TMEM132D: variants seen among roughly 807,000 people sequenced by gnomAD.
The protein encoded by TMEM132D is mature OL transmembrane protein.
TMEM132D carries 21 observed loss-of-function variants against 62.3 expected under a neutral mutation model. The observed-to-expected ratio is 0.34, with a 90% confidence interval of 0.24 to 0.49. TMEM132D has a LOEUF of 0.49. TMEM132D is among the 20% of genes least tolerant of loss of function. TMEM132D has a pLI of 0.99. For synonymous variants in TMEM132D, 621 were observed against 575.6 expected (o/e 1.08, Z -1.13); for missense variants, 1,346 against 1,402.8 (o/e 0.96, Z 0.65).
chr12:129,297,523 C>T (rs562830435), intron 4 of TMEM132D, among the ~76,000 whole-genome samples: 73 of 152,320 alleles, frequency 4.8e-4, no homozygotes, highest in South Asian at 1.7e-3. Flanking sequence ...AGCAGGTCAA[C>T]GCCTCTGCCG....
chr12:129,513,778 C>T (rs1875570383), intron 3 of TMEM132D, among the ~76,000 whole-genome samples: 1 of 150,910 alleles, frequency 6.6e-6, no homozygotes, highest in Non-Finnish European at 1.5e-5. Flanking sequence ...AGCCACCGCG[C>T]CCGGCCAATG....
intron 4 of TMEM132D, among the ~76,000 whole-genome samples, chr12:129,304,492 C>T (rs770030265): frequency 5.8e-4 from 88 of 152,062 alleles, no homozygotes; most frequent in Middle Eastern, 6.8e-3. Context: ...TCCTACAATA[C>T]CATGCAAAGT....
rs371545999 is a variant in TMEM132D at position 129,858,860 on chromosome 12, A to G, written c.79+44401T>C. Among the ~76,000 whole-genome samples the G allele has an allele frequency of 9.8e-3, 933 of 94,736 alleles. 32 individuals are homozygous for G. Among genetic ancestry groups the G allele is most frequent in the Middle Eastern group, 0.016 (2 of 124 alleles). The allele number at this position is 94,736 out of a possible 152,430, so 62.2% of individuals were successfully genotyped here. The stretch of plus-strand genomic sequence containing the variant: ...GGAGCGGGATGGGTGCCCTTGTAAC[A>G]GAGTCCGGGGGAACGGGATGGGTGC... On this transcript the variant is annotated intron_variant, in intron 1 of 8. Coordinates refer to ENST00000422113, the MANE Select transcript of TMEM132D (RefSeq NM_133448.3).
chr12:129,233,674 T>C (rs1879706747), intron 4 of TMEM132D, among the ~76,000 whole-genome samples: 2 of 152,186 alleles, frequency 1.3e-5, no homozygotes, highest in Admixed American at 1.3e-4. Context: ...TTGCCCAGGC[T>C]GGAGTGTCAT....
At chr12:129,156,275 G>A (rs1877242076) in intron 5 of TMEM132D, among the ~76,000 whole-genome samples, 1 of 149,296 alleles carries the variant, frequency 6.7e-6, no homozygotes, top group South Asian at 2.1e-4. Context: ...ACCCTCTCCT[G>A]AAGTAACTAA....
intron 4 of TMEM132D, among the ~76,000 whole-genome samples, chr12:129,305,163 A>C (rs1375139145): frequency 6.6e-6 from 1 of 152,250 alleles, no homozygotes; most frequent in Non-Finnish European, 1.5e-5. Flanking sequence ...AATAACAAGC[A>C]CAATGCCAGT....
chr12:129,396,337 A>G (rs894205137), intron 3 of TMEM132D, among the ~76,000 whole-genome samples: 1 of 152,156 alleles, frequency 6.6e-6, no homozygotes, highest in Admixed American at 6.5e-5. Flanking sequence ...CTCTTTTACT[A>G]CTAAAGCCCC....
At chr12:129,518,159 T>A (rs1011885174) in intron 3 of TMEM132D, among the ~76,000 whole-genome samples, 3 of 149,018 alleles carry the variant, frequency 2.0e-5, no homozygotes, top group African/African-American at 7.3e-5. Flanking sequence ...AACCTCAATT[T>A]CATAGTTGAA....
At chr12:129,710,968 G>T (rs1003059131) in intron 1 of TMEM132D, among the ~76,000 whole-genome samples, 2 of 151,788 alleles carry the variant, frequency 1.3e-5, no homozygotes, top group Non-Finnish European at 2.9e-5. Context: ...CGGTGTGCAC[G>T]CTGCCTCTCC....
rs71082722 is a variant in TMEM132D, at chr12:129,463,470, G to GTATTAT, written c.1115+67583_1115+67588dup. 9.3e-3 allele frequency among the ~76,000 whole-genome samples: 1,091 copies of GTATTAT among 117,612 alleles called. 31 individuals are homozygous for GTATTAT. In the East Asian group the frequency reaches 0.14, roughly 15 times the overall value. 77.2% of individuals were successfully genotyped at this position (117,612 alleles called of 152,430 possible). ...TTTATTTATTTATTTATTTATTTAT[G>GTATTAT]TATTATTATTATTATTATTATACTT... On this transcript the variant is annotated intron_variant, in intron 3 of 8. Transcript: ENST00000422113.
chr12:129,804,945 C>T (rs896480410), intron 1 of TMEM132D, among the ~76,000 whole-genome samples: 6 of 116,852 alleles, frequency 5.1e-5, no homozygotes, highest in Non-Finnish European at 8.9e-5. Flanking sequence ...TTCACAATTG[C>T]TTCAAAGAGA....
In TMEM132D at chr12:129,576,619, C is replaced by CACAT. The variant is rs913186167; in HGVS notation, c.969-45415_969-45414insATGT. 6.0e-5 allele frequency among the ~76,000 whole-genome samples: 9 copies of CACAT among 150,996 alleles called. No individual in the cohort carries two copies. In the East Asian group the frequency reaches 1.2e-3, roughly 20 times the overall value. ...TACATATTATACACACACACACACA[C>CACAT]ATATATATGCAGTTGACTTGAAACA... On this transcript the variant is annotated intron_variant, in intron 2 of 8. Transcript: ENST00000422113.
chr12:129,754,549 GATGTCAAC>G (rs1870104039), intron 1 of TMEM132D, among the ~76,000 whole-genome samples: 1 of 152,140 alleles, frequency 6.6e-6, no homozygotes, highest in Non-Finnish European at 1.5e-5. Context: ...GTTCTTGGAT[GATGTCAAC>G]ATGGAAAGGT....
chr12:129,481,305 T>A (rs1175609899), intron 3 of TMEM132D, among the ~76,000 whole-genome samples: 1 of 151,516 alleles, frequency 6.6e-6, no homozygotes, highest in Non-Finnish European at 1.5e-5. Flanking sequence ...TACAAAAAAA[T>A]TTTAAAAATT....
At chr12:129,470,636 T>C (rs1420452281) in intron 3 of TMEM132D, among the ~76,000 whole-genome samples, 1 of 152,238 alleles carries the variant, frequency 6.6e-6, no homozygotes, top group Non-Finnish European at 1.5e-5. Flanking sequence ...TTATAAATAT[T>C]GTGCAAATCG....
At chr12:129,164,930 T>G (rs1565983402) in intron 5 of TMEM132D, among the ~76,000 whole-genome samples, 1 of 152,034 alleles carries the variant, frequency 6.6e-6, no homozygotes, top group Non-Finnish European at 1.5e-5. Flanking sequence ...TTCATGAAGG[T>G]TTGCATATAG....
At chr12:129,206,714 A>G (rs949842811) in intron 5 of TMEM132D, among the ~76,000 whole-genome samples, 1 of 152,240 alleles carries the variant, frequency 6.6e-6, no homozygotes. Context: ...AATGGCCATC[A>G]GTGCTAGACT....
At position 129,622,842 on chromosome 12, in the gene TMEM132D, T is replaced by A. The variant is rs144525018; in HGVS notation, c.968+76968A>T. Among the ~76,000 whole-genome samples, 10 of 152,300 alleles carry A rather than the reference T, an allele frequency of 6.6e-5. No homozygotes were observed. The East Asian group carries it at 1.9e-3, about 29-fold the overall frequency. ...TGTCATTGCCATGGTGATTGGTTCA[T>A]ACATGGGCAAATGAGCCAATCAAGG... On this transcript the variant is annotated intron_variant, in intron 2 of 8. Coordinates refer to ENST00000422113, the MANE Select transcript of TMEM132D (RefSeq NM_133448.3).
intron 1 of TMEM132D, among the ~76,000 whole-genome samples, chr12:129,758,690 A>G (rs2137272954): frequency 6.6e-6 from 1 of 152,338 alleles, no homozygotes; most frequent in Non-Finnish European, 1.5e-5. Flanking sequence ...CTTGTTTAAA[A>G]TACTTCCAAC....
Sources: gnomAD v4.1 joint callset for allele counts (sites outside exome capture counted in the v4.1 genomes callset) on GRCh38, gnomAD v4.1.1 for gene constraint, MANE v1.5 for transcripts, NCBI Gene and HGNC (gene_info 2026-07-23, HGNC 2026-07-21) for gene names.